The following RBM27 variants were observed in gnomAD, a reference collection of about 807,000 sequenced individuals.
The protein encoded by RBM27 is RNA-binding protein 27.
A neutral mutation model predicts 135.3 loss-of-function variants in RBM27; 22 were observed. The observed-to-expected ratio is 0.16, with a 90% CI of 0.12 to 0.23. The LOEUF (loss-of-function observed/expected upper bound fraction) is 0.23. Ranked by LOEUF, RBM27 falls within the 10% of genes least tolerant of loss-of-function variation. The pLI is 1.00. For synonymous variants in RBM27, 481 were observed against 442.4 expected, an observed-to-expected ratio of 1.09 and a Z score of -1.10; for missense variants, 1,009 against 1,281.0, an observed-to-expected ratio of 0.79 and a Z score of 3.24.
intron 19 of RBM27, among the ~76,000 whole-genome samples, chr5:146,276,750 G>T (rs1192647812): frequency 6.6e-6 from 1 of 152,126 alleles, no homozygotes; most frequent in Non-Finnish European, 1.5e-5. Flanking sequence ...CCCTTCATCA[G>T]ACCTTGTTAA....
At chr5:146,219,544 AC>A (rs1480430912) in intron 2 of RBM27, among the ~76,000 whole-genome samples, 1 of 152,152 alleles carries the variant, frequency 6.6e-6, no homozygotes, top group Non-Finnish European at 1.5e-5. Flanking sequence ...TCATCTTCTT[AC>A]CAAATCTGTT....
rs570287378 is a variant in RBM27, at chr5:146,252,156, G to A, written c.1444+281G>A. On this transcript the variant is annotated intron_variant, in intron 9 of 20. Coordinates refer to ENST00000265271, the MANE Select transcript of RBM27 (RefSeq NM_018989.2). ...CCTTGAGCTAGTTTCTAATCAGGTA[G>A]ATAGAAAGATAATATCTACTTGAAT... is the stretch of plus-strand genomic sequence containing the variant. Among the ~76,000 whole-genome samples, 3 of 152,278 alleles carry A rather than the reference G, an allele frequency of 2.0e-5. No homozygotes were observed. In the South Asian group the frequency reaches 6.2e-4, roughly 32 times the overall value.
At position 146,230,859 on chromosome 5, in the gene RBM27, C is replaced by G; in HGVS notation, c.792C>G (p.Ser264Arg). 1 of 1,614,134 alleles carries G rather than the reference C, an allele frequency of 6.2e-7. No homozygotes were observed. The highest frequency in any genetic ancestry group is 8.5e-7 in the Non-Finnish European group (1 of 1,180,018). ...ESWSNYYNNHSSSNSFGRNLP... is the reference protein window; with the variant it reads ...ESWSNYYNNHRSSNSFGRNLP... ...GGTCTAATTACTATAACAATCATAGCTCTTCCAATTCTTTTGGTCGAAACC... is the reference window on the plus strand; with the variant it reads ...GGTCTAATTACTATAACAATCATAGGTCTTCCAATTCTTTTGGTCGAAACC... The change falls in exon 6 of 21, where the codon AGC becomes AGG. Residue 264 changes from serine (S) to arginine (R), a missense_variant. Transcript: ENST00000265271.
rs1757966908 is a variant in RBM27 at position 146,253,181 on chromosome 5, A to G, written c.1444+1306A>G. Among the ~76,000 whole-genome samples the G allele has an allele frequency of 2.6e-5, 4 of 152,110 alleles. No individual in the cohort carries two copies. In the South Asian group the frequency reaches 8.3e-4, roughly 32 times the overall value. ...CCCGGCTAATTTTTGTATTTTTAGT[A>G]GAGACGGGGTTTTGCCATGTTGGTC... On this transcript the variant is annotated intron_variant, in intron 9 of 20. Transcript: ENST00000265271.
At chr5:146,283,681 A>G (rs569773190) in intron 19 of RBM27, among the ~76,000 whole-genome samples, 1 of 152,292 alleles carries the variant, frequency 6.6e-6, no homozygotes, top group Non-Finnish European at 1.5e-5. Context: ...TTTCCCTTAG[A>G]ACACAGGACG....
At chr5:146,225,689 C>G (rs575725831) in intron 3 of RBM27, among the ~76,000 whole-genome samples, 1 of 152,030 alleles carries the variant, frequency 6.6e-6, no homozygotes, top group Admixed American at 6.6e-5. Context: ...CCTCAGCTTC[C>G]TAAGTAGCTG....
chr5:146,245,243 C>T (rs1032033073), intron 8 of RBM27: 1 of 151,840 alleles, frequency 6.6e-6, no homozygotes, highest in African/African-American at 2.4e-5. Flanking sequence ...TCTTAAAGAG[C>T]TGTACCACTG....
At chr5:146,274,905 C>T (rs1383519314) in intron 19 of RBM27, among the ~76,000 whole-genome samples, 2 of 151,830 alleles carry the variant, frequency 1.3e-5, no homozygotes, top group African/African-American at 4.8e-5. Context: ...TGAGGAGATA[C>T]AGATGATCTC....
chr5:146,252,720 G>A (rs1192801220), intron 9 of RBM27, among the ~76,000 whole-genome samples: 1 of 152,114 alleles, frequency 6.6e-6, no homozygotes, highest in Admixed American at 6.5e-5. Flanking sequence ...TTTTCAAACT[G>A]TGTCATCCTT....
rs113283032 is a variant in RBM27, at chr5:146,274,789, A to G, written c.2988+3115A>G. 8.0e-3 allele frequency among the ~76,000 whole-genome samples: 1,211 copies of G among 152,176 alleles called. 18 individuals carry two copies. Among genetic ancestry groups the G allele is most frequent in the African/African-American group, 0.027 (1,136 of 41,524 alleles). On this transcript the variant is annotated intron_variant, in intron 19 of 20. Coordinates refer to ENST00000265271, the MANE Select transcript of RBM27 (RefSeq NM_018989.2). ...ATTTACAGTGCAGGTTATATATATA[A>G]CAGCATAAAAACATACATTAATATA...
intron 1 of RBM27, among the ~76,000 whole-genome samples, chr5:146,205,069 T>A (rs1755569813): frequency 6.6e-6 from 1 of 152,212 alleles, no homozygotes; most frequent in Non-Finnish European, 1.5e-5. Context: ...AGCTAATTTT[T>A]GTATTTTTAG....
Position 146,267,640 on chromosome 5 carries a change from AT to A in RBM27, c.2332-3del. On this transcript the variant is annotated splice_polypyrimidine_tract_variant and splice_region_variant and intron_variant, in intron 14 of 20. Coordinates refer to ENST00000265271, the MANE Select transcript of RBM27 (RefSeq NM_018989.2). ...TTGTGTGTGCTTTTTTTTTTTCTTTATTTTTTAGATATTTTCAACTCCAGGC... is the reference window on the plus strand; with the variant it reads ...TTGTGTGTGCTTTTTTTTTTTCTTTATTTTTAGATATTTTCAACTCCAGGC... 1 of 1,464,264 alleles carries A rather than the reference AT, an allele frequency of 6.8e-7. No homozygotes were observed. The highest frequency in any genetic ancestry group is 9.2e-7 in the Non-Finnish European group (1 of 1,087,508). 90.7% of individuals were successfully genotyped at this position (1,464,264 alleles called of 1,614,324 possible).
chr5:146,243,910 AC>A (rs1174899372), intron 8 of RBM27, among the ~76,000 whole-genome samples: 3 of 152,158 alleles, frequency 2.0e-5, no homozygotes, highest in African/African-American at 7.2e-5. Context: ...AGTGTTAGGT[AC>A]TAGGAATATA....
intron 15 of RBM27, 63 bp downstream of exon 15, chr5:146,267,831 C>T: frequency 6.6e-7 from 1 of 1,504,674 alleles, no homozygotes; most frequent in Non-Finnish European, 9.1e-7. Flanking sequence ...TAAGTGGTTA[C>T]ATTATCACTT....
At chr5:146,232,238 C>T (rs1487500782) in intron 6 of RBM27, among the ~76,000 whole-genome samples, 3 of 152,140 alleles carry the variant, frequency 2.0e-5, no homozygotes, top group Admixed American at 6.5e-5. Context: ...AGAATGCATA[C>T]GTTTTTACAT....
rs191249107 is a variant in RBM27 at position 146,280,929 on chromosome 5, C to G, written c.2989-3693C>G. 1.2e-3 allele frequency among the ~76,000 whole-genome samples: 184 copies of G among 152,196 alleles called. 2 individuals carry two copies. The highest frequency in any genetic ancestry group is 4.3e-3 in the African/African-American group (180 of 41,524). On this transcript the variant is annotated intron_variant, in intron 19 of 20. Coordinates refer to ENST00000265271, the MANE Select transcript of RBM27 (RefSeq NM_018989.2). Reference sequence around the variant, plus strand: ...CTGGAGTGCAGTGGCATGATCTTGGCTCACTGCAGCCTTCGCCTCCCGGGT... The same window carrying G: ...CTGGAGTGCAGTGGCATGATCTTGGGTCACTGCAGCCTTCGCCTCCCGGGT...
chr5:146,224,599 T>C (rs1207388521), intron 3 of RBM27, among the ~76,000 whole-genome samples: 2 of 152,032 alleles, frequency 1.3e-5, no homozygotes, highest in African/African-American at 4.8e-5. Context: ...GGAGAATCGC[T>C]TGAACCCGGG....
At position 146,286,083 on chromosome 5, in the gene RBM27, T is replaced by C. The variant is rs963013593; in HGVS notation, c.*53T>C. 2 of 1,497,322 alleles carry C rather than the reference T, an allele frequency of 1.3e-6. No individual in the cohort carries two copies. Among genetic ancestry groups the C allele is most frequent in the Non-Finnish European group, 1.8e-6 (2 of 1,107,650 alleles). 92.8% of individuals were successfully genotyped at this position (1,497,322 alleles called of 1,614,324 possible). ...GGAATATTGTTTAGAAGAACAACTT[T>C]TAAAAATTATTTAAAAGAAGTCAAT... is the stretch of plus-strand genomic sequence containing the variant. On this transcript the variant is annotated 3_prime_UTR_variant, in exon 21 of 21. Coordinates refer to ENST00000265271, the MANE Select transcript of RBM27 (RefSeq NM_018989.2).
At chr5:146,233,865 T>C (rs1219883282) in intron 7 of RBM27, 122 bp downstream of exon 7, 1 of 627,198 alleles carries the variant, frequency 1.6e-6, no homozygotes, top group Non-Finnish European at 2.4e-6. Flanking sequence ...ATTTGGAATA[T>C]ATTCCCATAA....
Sources: allele counts gnomAD v4.1 joint callset (sites outside exome capture counted in the v4.1 genomes callset), GRCh38; gene constraint gnomAD v4.1.1; transcripts MANE v1.5; gene names NCBI Gene and HGNC (gene_info 2026-07-23, HGNC 2026-07-21).